The following HSPD1 variants were observed in gnomAD, a reference collection of about 807,000 sequenced individuals.
HSPD1 encodes the protein 60 kDa heat shock protein, mitochondrial.
In HSPD1, 3 loss-of-function variants were observed where a neutral mutation model predicts 53.0. The observed-to-expected ratio is 0.06, with a 90% CI of 0.03 to 0.15. HSPD1 has a LOEUF of 0.15. Ranked by LOEUF, HSPD1 falls within the 10% of genes least tolerant of loss-of-function variation. The pLI is 1.00. For synonymous variants in HSPD1, 200 were observed against 228.0 expected, an observed-to-expected ratio of 0.88 and a Z score of 1.10; for missense variants, 431 against 694.1, an observed-to-expected ratio of 0.62 and a Z score of 4.26.
chr2:197,488,375 G>A lies in HSPD1; in HGVS notation c.1332C>T (p.Leu444=). ...EGIVLGGGCA[L]LRCIPALDSL... ...AGTCCAAGGCTGGAATGCATCGAAG[G>A]AGGGCACAACCCCCTCCCAAAACAA... The change falls in exon 10 of 12, where the codon CTC becomes CTT. Residue 444 remains leucine, a synonymous_variant. Coordinates refer to ENST00000388968, the MANE Select transcript of HSPD1 (RefSeq NM_002156.5). 1 of 1,613,924 alleles carries A rather than the reference G, an allele frequency of 6.2e-7. No homozygotes were observed. The highest frequency in any genetic ancestry group is 1.1e-5 in the South Asian group (1 of 91,068).
At chr2:197,489,949 CCAAAAAAAA>C (rs1344880044) in intron 8 of HSPD1, among the ~76,000 whole-genome samples, 2 of 151,616 alleles carry the variant, frequency 1.3e-5, no homozygotes, top group East Asian at 1.9e-4. Flanking sequence ...GACACTGTCT[CCAAAAAAAA>C]CAAAAAAAAG....
At chr2:197,491,210 CAG>C (rs2086087630) in intron 7 of HSPD1, among the ~76,000 whole-genome samples, 1 of 143,558 alleles carries the variant, frequency 7.0e-6, no homozygotes, top group Non-Finnish European at 1.5e-5. Context: ...TTTTTTGAGA[CAG>C]AGTCTTGCTC....
chr2:197,491,061 AAAT>A (rs1205570395), intron 7 of HSPD1, among the ~76,000 whole-genome samples: 6 of 152,092 alleles, frequency 3.9e-5, no homozygotes, highest in African/African-American at 1.4e-4. Context: ...TTAAGGACCC[AAAT>A]AAAAATCAGA....
chr2:197,490,014 T>G (rs2086071813), intron 8 of HSPD1, among the ~76,000 whole-genome samples, 183 bp downstream of exon 8: 1 of 152,092 alleles, frequency 6.6e-6, no homozygotes, highest in Non-Finnish European at 1.5e-5. Flanking sequence ...TATAGAATAG[T>G]CAGTAAGCTC....
chr2:197,491,992 CA>C (rs1382317054), intron 7 of HSPD1, among the ~76,000 whole-genome samples: 1 of 152,000 alleles, frequency 6.6e-6, no homozygotes, highest in Non-Finnish European at 1.5e-5. Flanking sequence ...CTCGTCTCTA[CA>C]AAAAAATTAA....
intron 2 of HSPD1, 97 bp downstream of exon 2, chr2:197,498,578 T>G: frequency 9.3e-7 from 1 of 1,079,006 alleles, no homozygotes; most frequent in Non-Finnish European, 1.4e-6. Context: ...CTCTCAAAAA[T>G]GGAGATGAAA....
chr2:197,488,068 T>A (rs775796137), intron 10 of HSPD1, 32 bp from the exon 11 acceptor site: 1 of 1,428,168 alleles, frequency 7.0e-7, no homozygotes. Flanking sequence ...ATTTTAATAC[T>A]TTCATTTGTA....
Position 197,495,254 on chromosome 2 carries a change from A to C in HSPD1, c.510+40T>G, listed in dbSNP as rs909457949. 4.1e-6 allele frequency: 5 copies of C among 1,227,914 alleles called. No individual in the cohort carries two copies. In the Admixed American group the frequency reaches 5.1e-5, roughly 12 times the overall value. The allele number at this position is 1,227,914 out of a possible 1,614,324, so 76.1% of individuals were successfully genotyped here. On this transcript the variant is annotated intron_variant, in intron 4 of 11. Coordinates refer to ENST00000388968, the MANE Select transcript of HSPD1 (RefSeq NM_002156.5). ...GAAAAAAAAAATCACACATGCCATT[A>C]AATTTTTTTTAAAAAACGTGTAACA...
At chr2:197,496,385 G>C (rs2086157128) in intron 3 of HSPD1, among the ~76,000 whole-genome samples, 1 of 152,064 alleles carries the variant, frequency 6.6e-6, no homozygotes, top group African/African-American at 2.4e-5. Context: ...AAATAGATGA[G>C]GTAATGATAC....
chr2:197,487,468 A>G (rs2086040293), intron 11 of HSPD1, among the ~76,000 whole-genome samples: 1 of 152,050 alleles, frequency 6.6e-6, no homozygotes, highest in Admixed American at 6.6e-5. Flanking sequence ...AATCGCTTGA[A>G]CCCAGGAGGT....
At chr2:197,488,064 A>G (rs1559300203) in intron 10 of HSPD1, 28 bp from the exon 11 acceptor site, 2 of 1,456,034 alleles carry the variant, frequency 1.4e-6, no homozygotes, top group African/African-American at 1.4e-5. Flanking sequence ...CAAAATTTTA[A>G]TACTTTCATT....
rs2086037199 is a variant in HSPD1, at chr2:197,487,212, T to C, written c.1570-14A>G. 1 of 1,611,750 alleles carries C rather than the reference T, an allele frequency of 6.2e-7. No individual in the cohort carries two copies. On this transcript the variant is annotated splice_polypyrimidine_tract_variant and intron_variant, in intron 11 of 11. Coordinates refer to ENST00000388968, the MANE Select transcript of HSPD1 (RefSeq NM_002156.5). ...AGTTCTCACAACCTAGAAAAAAATT[T>C]AATTAATTAGTTTTCCCTTAGTAAA...
At chr2:197,491,564 T>C (rs1004438595) in intron 7 of HSPD1, among the ~76,000 whole-genome samples, 3 of 152,172 alleles carry the variant, frequency 2.0e-5, no homozygotes, top group Non-Finnish European at 4.4e-5. Context: ...ACGTGTAATG[T>C]CTAAAACGTA....
chr2:197,487,597 T>C (rs2086042268), intron 11 of HSPD1, among the ~76,000 whole-genome samples: 1 of 152,204 alleles, frequency 6.6e-6, no homozygotes, highest in South Asian at 2.1e-4. Flanking sequence ...AGGAACAGGG[T>C]GTTCCAGATC....
In HSPD1 at chr2:197,493,301, C is replaced by T. The variant is rs369486784; in HGVS notation, c.869+23G>A. ...CTGTCTTTCACCGAGAAATATAAAT[C>T]AACAAATACCACTGCTTATTACCTA... On this transcript the variant is annotated intron_variant, in intron 7 of 11. Transcript: ENST00000388968. The T allele has an allele frequency of 1.0e-5, 16 of 1,597,614 alleles. No individual in the cohort carries two copies. The African/African-American group carries it at 2.1e-4, about 21-fold the overall frequency.
chr2:197,494,356 G>A (rs2086131522), intron 5 of HSPD1, 106 bp from the exon 6 acceptor site: 1 of 723,842 alleles, frequency 1.4e-6, no homozygotes, highest in Admixed American at 2.2e-5. Flanking sequence ...AGAGATGCAG[G>A]GTAGAGTATG....
At chr2:197,487,287 C>T in intron 11 of HSPD1, 89 bp from the exon 12 acceptor site, 1 of 1,186,332 alleles carries the variant, frequency 8.4e-7, no homozygotes, top group Non-Finnish European at 1.2e-6. Context: ...GTGGCTCACA[C>T]CTGTAATCCA....
In HSPD1 at chr2:197,497,034, G is replaced by C. The variant is rs1318427737; in HGVS notation, c.427+106C>G. On this transcript the variant is annotated intron_variant, in intron 3 of 11. Transcript: ENST00000388968. The stretch of plus-strand genomic sequence containing the variant: ...TTCTCCAGGCCAAGAGGAGGAATGA[G>C]AGAAGGATTAATTTCCTCAAGTTAA... The C allele has an allele frequency of 4.3e-6, 5 of 1,152,086 alleles. No homozygotes were observed. In the African/African-American group the frequency reaches 7.6e-5, roughly 17 times the overall value. 71.4% of individuals were successfully genotyped at this position (1,152,086 alleles called of 1,614,324 possible). A position where few individuals can be genotyped will look rare whatever the true frequency, so the allele number is the denominator to read the frequency against.
chr2:197,499,627 CGCGAGGCCTGGACCCGCAG>C (rs1302504748), intron 1 of HSPD1, among the ~76,000 whole-genome samples, 136 bp downstream of exon 1: 3 of 152,126 alleles, frequency 2.0e-5, no homozygotes, highest in African/African-American at 7.2e-5. Flanking sequence ...CGCATGGACC[CGCGAGGCCTGGACCCGCAG>C]GCCTGGGCCT....
Sources: allele counts gnomAD v4.1 joint callset (sites outside exome capture counted in the v4.1 genomes callset), GRCh38; gene constraint gnomAD v4.1.1; transcripts MANE v1.5; gene names NCBI Gene and HGNC (gene_info 2026-07-23, HGNC 2026-07-21).